Variants in CEP112 observed in about 807,000 individuals in gnomAD.
CEP112 encodes the protein centrosomal protein 112.
In CEP112, 127 loss-of-function variants were observed where a neutral mutation model predicts 153.0. The ratio of observed to expected loss-of-function variants is 0.83; its 90% CI spans 0.72 to 0.96. The LOEUF is 0.96. Among genes scored for constraint, CEP112 ranks in the 40% least tolerant of loss-of-function variants. The pLI is 0.00. For missense variants in CEP112, 1,089 were observed against 1,101.2 expected (o/e 0.99, Z 0.16); for synonymous variants, 358 against 374.4 (o/e 0.96, Z 0.51).
At chr17:66,149,884 G>GTTTTTTTTTTTTTT (rs1242689416) in intron 4 of CEP112, among the ~76,000 whole-genome samples, 8 of 46,828 alleles carry the variant, frequency 1.7e-4, no homozygotes, top group Admixed American at 3.7e-4. Context: ...TTTTTTGTTT[G>GTTTTTTTTTTTTTT]TTTGTTTTTT....
intron 21 of CEP112, among the ~76,000 whole-genome samples, chr17:65,850,972 T>G (rs2057910945): frequency 6.6e-6 from 1 of 152,206 alleles, no homozygotes; most frequent in African/African-American, 2.4e-5. Flanking sequence ...GCAAGTACCT[T>G]AGGATCTCAG....
chr17:65,921,783 TGTTA>T (rs1183723476), intron 19 of CEP112, among the ~76,000 whole-genome samples: 5 of 152,174 alleles, frequency 3.3e-5, no homozygotes, highest in African/African-American at 1.2e-4. Context: ...TCCCTTATTG[TGTTA>T]GTATTATTTT....
intron 4 of CEP112, among the ~76,000 whole-genome samples, chr17:66,159,987 G>T (rs1352365921): frequency 6.6e-6 from 1 of 152,186 alleles, no homozygotes; most frequent in Non-Finnish European, 1.5e-5. Flanking sequence ...AGCAACTTCA[G>T]CAAAGTCTCA....
chr17:65,898,272 G>A (rs2059724674), intron 20 of CEP112, among the ~76,000 whole-genome samples: 1 of 152,024 alleles, frequency 6.6e-6, no homozygotes, highest in Non-Finnish European at 1.5e-5. Context: ...TACCCTTCGA[G>A]TAATCTTTAA....
intron 21 of CEP112, among the ~76,000 whole-genome samples, chr17:65,807,477 T>C (rs2145876808): frequency 6.6e-6 from 1 of 152,178 alleles, no homozygotes; most frequent in Admixed American, 6.5e-5. Flanking sequence ...GCCAAGACAA[T>C]GGGGAAATGT....
intron 12 of CEP112, among the ~76,000 whole-genome samples, chr17:66,038,206 T>A (rs1472365337): frequency 6.6e-6 from 1 of 152,160 alleles, no homozygotes; most frequent in Non-Finnish European, 1.5e-5. Flanking sequence ...GAAGCTGGCA[T>A]GCTTTCTCAC....
intron 2 of CEP112, chr17:66,182,530 C>T (rs1242400030): frequency 6.6e-6 from 1 of 152,202 alleles, no homozygotes; most frequent in Non-Finnish European, 1.5e-5. Context: ...AAACCTACCA[C>T]TCAAAAGCTA....
At position 65,996,444 on chromosome 17, in the gene CEP112, G is replaced by T. The variant is rs553758485; in HGVS notation, c.1736+9246C>A. On this transcript the variant is annotated intron_variant, in intron 17 of 26. Coordinates refer to ENST00000535342, the MANE Select transcript of CEP112 (RefSeq NM_001199165.4). ...TATAAAACTATGCAGCTTTTCATCA[G>T]CTATCTCTTAGAAATTATTTGTCGA... Among the ~76,000 whole-genome samples, 13 of 152,206 alleles carry T rather than the reference G, an allele frequency of 8.5e-5. No individual in the cohort carries two copies. The South Asian group carries it at 2.7e-3, about 32-fold the overall frequency.
At chr17:66,035,008 A>ATATATATTTT (rs1454121288) in intron 12 of CEP112, among the ~76,000 whole-genome samples, 29 of 72,262 alleles carry the variant, frequency 4.0e-4, no homozygotes, top group Admixed American at 8.4e-4. Context: ...ATATATATAT[A>ATATATATTTT]TTTTTTTTTT....
At chr17:65,956,948 T>C (rs1241355057) in intron 18 of CEP112, among the ~76,000 whole-genome samples, 2 of 152,144 alleles carry the variant, frequency 1.3e-5, no homozygotes, top group African/African-American at 2.4e-5. Context: ...TTTTGCTATA[T>C]AGCTGCATTG....
intron 23 of CEP112, among the ~76,000 whole-genome samples, chr17:65,737,684 C>T (rs2050882056): frequency 6.6e-6 from 1 of 152,186 alleles, no homozygotes; most frequent in South Asian, 2.1e-4. Context: ...CTTCCCCTTC[C>T]CTCAGGTCAG....
chr17:65,793,046 T>A (rs1201522193), intron 21 of CEP112, among the ~76,000 whole-genome samples: 5 of 151,532 alleles, frequency 3.3e-5, no homozygotes. Context: ...TACCCTGCAC[T>A]GGTGGGGGGC....
At chr17:65,933,620 C>G (rs1052554631) in intron 18 of CEP112, among the ~76,000 whole-genome samples, 8 of 152,152 alleles carry the variant, frequency 5.3e-5, no homozygotes, top group Non-Finnish European at 8.8e-5. Context: ...GAAGTAAAAT[C>G]TTCCCGCACC....
intron 23 of CEP112, among the ~76,000 whole-genome samples, chr17:65,712,578 C>T (rs2049255099): frequency 6.6e-6 from 1 of 152,122 alleles, no homozygotes; most frequent in Non-Finnish European, 1.5e-5. Flanking sequence ...TAGTTACCGC[C>T]CTCTTCTATC....
intron 19 of CEP112, among the ~76,000 whole-genome samples, chr17:65,915,448 C>T (rs139626942): frequency 2.0e-4 from 31 of 152,156 alleles, no homozygotes; most frequent in Middle Eastern, 3.4e-3. Context: ...CTCCTGCCTC[C>T]ATCGTAATCA....
intron 1 of CEP112, among the ~76,000 whole-genome samples, chr17:66,189,367 A>G (rs1159326504): frequency 6.6e-6 from 1 of 151,934 alleles, no homozygotes; most frequent in Non-Finnish European, 1.5e-5. Flanking sequence ...AGCTGGGCAA[A>G]GTGGCACACA....
chr17:65,660,539 C>T (rs1266798389), intron 24 of CEP112, among the ~76,000 whole-genome samples: 1 of 127,064 alleles, frequency 7.9e-6, no homozygotes, highest in African/African-American at 3.3e-5. Flanking sequence ...CCTTTCTTCT[C>T]TTTTTTTCTT....
rs1157221523 is a variant in CEP112, at chr17:66,165,347, C to T, written c.470+9697G>A. Among the ~76,000 whole-genome samples, 5 of 152,252 alleles carry T rather than the reference C, an allele frequency of 3.3e-5. No homozygotes were observed. In the South Asian group the frequency reaches 6.2e-4, roughly 19 times the overall value. On this transcript the variant is annotated intron_variant, in intron 4 of 26. Transcript: ENST00000535342. The stretch of plus-strand genomic sequence containing the variant: ...GTTCAATAGTCACGTTTACTGGTGG[C>T]GACTGTATTGGACAGTGCCGCCTAT...
chr17:65,691,809 A>AT (rs1336842691), intron 23 of CEP112, among the ~76,000 whole-genome samples: 2 of 151,872 alleles, frequency 1.3e-5, no homozygotes, highest in Non-Finnish European at 2.9e-5. Flanking sequence ...ATAGTTATCT[A>AT]TTTTTTTTGT....
Sources: gnomAD v4.1 joint callset for allele counts (sites outside exome capture counted in the v4.1 genomes callset) on GRCh38, gnomAD v4.1.1 for gene constraint, MANE v1.5 for transcripts, NCBI Gene and HGNC (gene_info 2026-07-23, HGNC 2026-07-21) for gene names.